Variants in UTRN observed in about 807,000 individuals in gnomAD.
UTRN encodes utrophin, also known as dystrophin-related protein 1.
A neutral mutation model predicts 463.9 loss-of-function variants in UTRN; 283 were observed. That is an observed-to-expected ratio of 0.61 (90% CI 0.55 to 0.67). The LOEUF is 0.67. Ranked by LOEUF, UTRN falls within the 30% of genes least tolerant of loss-of-function variation. The pLI is 0.00. For missense variants in UTRN, 3,922 were observed against 4,084.3 expected (o/e 0.96, Z 1.08); for synonymous variants, 1,442 against 1,431.5 (o/e 1.01, Z -0.17).
chr6:144,808,966 C>T (rs1390669721), intron 65 of UTRN, among the ~76,000 whole-genome samples: 1 of 152,092 alleles, frequency 6.6e-6, no homozygotes, highest in African/African-American at 2.4e-5. Flanking sequence ...CTACAGTGCA[C>T]ATAGGAGTAT....
chr6:144,761,577 T>C lies in UTRN; in HGVS notation c.8495+3588T>C, dbSNP rs188436921. On this transcript the variant is annotated intron_variant, in intron 58 of 74. Coordinates refer to ENST00000367545, the MANE Select transcript of UTRN (RefSeq NM_007124.3). ...GGGAGGATCACTTGAGCCCGGGAGGTCAAGACTGCAGTGAGCCATGATCAC... is the reference window on the plus strand; with the variant it reads ...GGGAGGATCACTTGAGCCCGGGAGGCCAAGACTGCAGTGAGCCATGATCAC... 3.6e-3 allele frequency among the ~76,000 whole-genome samples: 551 copies of C among 151,834 alleles called. 2 individuals carry two copies. The highest frequency in any genetic ancestry group is 0.01 in the Middle Eastern group (3 of 294).
rs181452025 is a variant in UTRN at position 144,495,136 on chromosome 6, C to A, written c.4593+1680C>A. Among the ~76,000 whole-genome samples, 319 of 152,360 alleles carry A rather than the reference C, an allele frequency of 2.1e-3. 2 individuals carry two copies. The highest frequency in any genetic ancestry group is 7.4e-3 in the African/African-American group (307 of 41,590). Reference sequence around the variant, plus strand: ...CAGGTGGAGCTGCCTTCCAGTCCCGCACCGTGGGCTTGCACTCCTCAGCCC... The same window carrying A: ...CAGGTGGAGCTGCCTTCCAGTCCCGAACCGTGGGCTTGCACTCCTCAGCCC... On this transcript the variant is annotated intron_variant, in intron 33 of 74. Transcript: ENST00000367545.
chr6:144,323,778 A>G (rs577866211), intron 2 of UTRN, among the ~76,000 whole-genome samples: 2 of 152,296 alleles, frequency 1.3e-5, no homozygotes, highest in South Asian at 2.1e-4. Flanking sequence ...AACTGGCTGT[A>G]TGTGTCCTTT....
intron 48 of UTRN, among the ~76,000 whole-genome samples, chr6:144,551,948 T>C (rs1296410423): frequency 2.6e-5 from 4 of 152,168 alleles, no homozygotes; most frequent in Non-Finnish European, 2.9e-5. Flanking sequence ...CCTCTTCTGG[T>C]CCCTGGTGAA....
chr6:144,732,224 A>ATG (rs1562832031), intron 54 of UTRN, among the ~76,000 whole-genome samples: 5 of 43,220 alleles, frequency 1.2e-4, no homozygotes, highest in African/African-American at 5.4e-4. Context: ...TTATATATAT[A>ATG]TATATATATA....
At chr6:144,492,073 T>G (rs563842567) in intron 32 of UTRN, among the ~76,000 whole-genome samples, 108 of 152,320 alleles carry the variant, frequency 7.1e-4, no homozygotes, top group Middle Eastern at 3.4e-3. Flanking sequence ...GTTTGATACA[T>G]GGATATATTG....
chr6:144,608,573 C>A (rs1805125026), intron 51 of UTRN, among the ~76,000 whole-genome samples: 1 of 152,158 alleles, frequency 6.6e-6, no homozygotes, highest in Non-Finnish European at 1.5e-5. Context: ...CCACCCCTCC[C>A]CCAAGCTGGG....
chr6:144,568,639 C>T (rs1209712535), intron 50 of UTRN, among the ~76,000 whole-genome samples: 3 of 152,092 alleles, frequency 2.0e-5, no homozygotes, highest in African/African-American at 4.8e-5. Context: ...CATCTATTCC[C>T]GCCAGTCATC....
chr6:144,503,637 G>GT (rs945337501), intron 34 of UTRN, among the ~76,000 whole-genome samples: 3 of 152,142 alleles, frequency 2.0e-5, no homozygotes, highest in African/African-American at 4.8e-5. Flanking sequence ...GTACCATGCT[G>GT]TTTTGGTTAC....
intron 53 of UTRN, among the ~76,000 whole-genome samples, chr6:144,725,151 T>G (rs943298345): frequency 6.6e-6 from 1 of 152,252 alleles, no homozygotes; most frequent in Non-Finnish European, 1.5e-5. Context: ...TTTCCCATGC[T>G]GTTTTTGTGA....
intron 34 of UTRN, among the ~76,000 whole-genome samples, chr6:144,499,691 G>A (rs1055906286): frequency 1.3e-5 from 2 of 152,064 alleles, no homozygotes; most frequent in African/African-American, 4.8e-5. Flanking sequence ...GCTGAGGTTT[G>A]GGGTATGAAT....
chr6:144,436,786 A>T (rs4896719), intron 10 of UTRN, among the ~76,000 whole-genome samples: 2 of 144,234 alleles, frequency 1.4e-5, no homozygotes, highest in East Asian at 3.9e-4. Flanking sequence ...ATAAATAAAT[A>T]TATATTTATA....
At position 144,751,836 on chromosome 6, in the gene UTRN, TTTAAAG is replaced by T; in HGVS notation, c.8245_8250del (p.Val2749_Lys2750del). ...TAGAGAAGAAATTGCACCAATCAAC[TTTAAAG>T]TTAAAACGGTGAATGATTTATCCAG... On this transcript the variant is annotated inframe_deletion, in exon 56 of 75. Transcript: ENST00000367545. 6 of 1,610,248 alleles carry T rather than the reference TTTAAAG, an allele frequency of 3.7e-6. No homozygotes were observed. The highest frequency in any genetic ancestry group is 4.2e-6 in the Non-Finnish European group (5 of 1,178,508).
chr6:144,772,534 T>G (rs1328211944), intron 59 of UTRN, among the ~76,000 whole-genome samples: 1 of 152,158 alleles, frequency 6.6e-6, no homozygotes. Context: ...GTAATTGTAG[T>G]TTTTACCTCC....
Position 144,819,152 on chromosome 6 carries a change from C to T in UTRN, c.9358-1730C>T, listed in dbSNP as rs9403614. Among the ~76,000 whole-genome samples the T allele has an allele frequency of 1.5e-3, 231 of 152,284 alleles. 6 individuals are homozygous for T. The East Asian group carries it at 0.037, about 25-fold the overall frequency. ...GGCAAAGCCTGGTGATAGCATGGGG[C>T]TGGCACCTTGTTGCAGGTTGTTTGT... On this transcript the variant is annotated intron_variant, in intron 65 of 74. Transcript: ENST00000367545.
intron 39 of UTRN, among the ~76,000 whole-genome samples, chr6:144,520,238 A>C (rs1281543284): frequency 1.3e-5 from 2 of 152,212 alleles, no homozygotes; most frequent in African/African-American, 4.8e-5. Flanking sequence ...AGGGAGAACA[A>C]TTGAGCCTAG....
chr6:144,581,167 A>G (rs147326574), intron 51 of UTRN, among the ~76,000 whole-genome samples: 45 of 152,332 alleles, frequency 3.0e-4, no homozygotes, highest in African/African-American at 9.9e-4. Flanking sequence ...CTGTGAATCT[A>G]TATTCAGATA....
intron 51 of UTRN, among the ~76,000 whole-genome samples, chr6:144,651,433 G>C (rs1778808117): frequency 6.6e-6 from 1 of 152,092 alleles, no homozygotes; most frequent in Non-Finnish European, 1.5e-5. Context: ...AGAGTTCCAG[G>C]GTCAAGCAGC....
rs1243168009 is a variant in UTRN, at chr6:144,814,186, G to C, written c.9358-6696G>C. 2.6e-5 allele frequency among the ~76,000 whole-genome samples: 4 copies of C among 152,164 alleles called. No homozygotes were observed. In the East Asian group the frequency reaches 7.7e-4, roughly 29 times the overall value. On this transcript the variant is annotated intron_variant, in intron 65 of 74. Transcript: ENST00000367545. Reference sequence around the variant, plus strand: ...GTGATTAGGTCATGAGGATGGAGCTGTCATAAATGAAATTAGTACATTCAT... The same window carrying C: ...GTGATTAGGTCATGAGGATGGAGCTCTCATAAATGAAATTAGTACATTCAT...
Sources: allele counts gnomAD v4.1 joint callset (sites outside exome capture counted in the v4.1 genomes callset), GRCh38; gene constraint gnomAD v4.1.1; transcripts MANE v1.5; gene names NCBI Gene and HGNC (gene_info 2026-07-23, HGNC 2026-07-21).